The following TK2 variants were observed in gnomAD, a reference collection of about 807,000 sequenced individuals.
The protein encoded by TK2 is thymidine kinase 2, mitochondrial.
A neutral mutation model predicts 41.9 loss-of-function variants in TK2; 35 were observed. The observed-to-expected ratio is 0.84, with a 90% CI of 0.64 to 1.11. The LOEUF is 1.11. Ranked by LOEUF, TK2 falls within the 50% of genes least tolerant of loss-of-function variation. The pLI is 0.00. For missense variants in TK2, 320 were observed against 351.1 expected, an observed-to-expected ratio of 0.91 and a Z score of 0.71; for synonymous variants, 128 against 129.1, an observed-to-expected ratio of 0.99 and a Z score of 0.06.
chr16:66,535,525 C>G (rs996583578), intron 4 of TK2, among the ~76,000 whole-genome samples: 3 of 152,204 alleles, frequency 2.0e-5, no homozygotes, highest in Admixed American at 6.5e-5. Context: ...TCTCATGTCT[C>G]TTTAGGATTC....
At chr16:66,549,221 A>C (rs1195511887) in intron 1 of TK2, 6 of 1,425,402 alleles carry the variant, frequency 4.2e-6, no homozygotes, top group Middle Eastern at 1.8e-4. Flanking sequence ...GTGGACCCCC[A>C]GTGTGCTCGA....
Position 66,508,998 on chromosome 16 carries a change from G to C in TK2, c.*2970C>G, listed in dbSNP as rs1051335939. On this transcript the variant is annotated 3_prime_UTR_variant, in exon 10 of 10. Transcript: ENST00000544898. ...GGTGGGATGACGTGGGGGCAGAGGG[G>C]AGAGGGAGGTGAAGCCCAAAGGACC... 6.6e-6 allele frequency: 1 copy of C among 152,390 alleles called. No individual in the cohort carries two copies. The highest frequency in any genetic ancestry group is 1.5e-5 in the Non-Finnish European group (1 of 68,164). 9.4% of individuals were successfully genotyped at this position (152,390 alleles called of 1,614,324 possible).
intron 2 of TK2, among the ~76,000 whole-genome samples, chr16:66,544,033 A>G (rs1217437733): frequency 6.6e-6 from 1 of 152,218 alleles, no homozygotes; most frequent in Non-Finnish European, 1.5e-5. Context: ...AGCTCAACCT[A>G]GACATCACTC....
Position 66,517,147 on chromosome 16 carries a change from C to T in TK2, c.607G>A (p.Val203Ile). ...LKKRCREEEKVIPLEYLEAIH... is the reference protein window; with the variant it reads ...LKKRCREEEKIIPLEYLEAIH... ...AAGAGGCCTCTTACCAGCGGAATGA[C>T]CTTCTCCTCTTCCCTGCATCTCTTC... The change falls in exon 8 of 10, where the codon GTC becomes ATC. Residue 203 changes from valine (V) to isoleucine (I), a missense_variant. Coordinates refer to ENST00000544898, the MANE Select transcript of TK2 (RefSeq NM_004614.5). The surrounding 1 kb of genome is among the most constrained non-coding windows in gnomAD (Gnocchi z 4.3). 6.2e-7 allele frequency: 1 copy of T among 1,614,174 alleles called. No homozygotes were observed. Among genetic ancestry groups the T allele is most frequent in the Admixed American group, 1.7e-5 (1 of 60,028 alleles).
At chr16:66,518,332 G>C (rs1188078405) in intron 6 of TK2, among the ~76,000 whole-genome samples, 1 of 152,152 alleles carries the variant, frequency 6.6e-6, no homozygotes, top group Non-Finnish European at 1.5e-5. Flanking sequence ...TTCAAGATCT[G>C]CCTGGGCAAC....
intron 2 of TK2, 34 bp from the exon 3 acceptor site, chr16:66,541,987 C>G (rs1462951374): frequency 6.2e-7 from 1 of 1,608,078 alleles, no homozygotes. Context: ...AGAGCCAGAA[C>G]TCAAGCACCC....
intron 4 of TK2, among the ~76,000 whole-genome samples, chr16:66,533,812 C>T (rs1302174791): frequency 6.6e-6 from 1 of 151,838 alleles, no homozygotes; most frequent in Non-Finnish European, 1.5e-5. Context: ...TGGAGACCAT[C>T]CTGGCTAACA....
At chr16:66,527,995 G>C (rs547300427) in intron 6 of TK2, among the ~76,000 whole-genome samples, 1 of 151,082 alleles carries the variant, frequency 6.6e-6, no homozygotes, top group South Asian at 2.2e-4. Context: ...TCGTGCCCCC[G>C]TACTCCAGCT....
chr16:66,542,008 C>T (rs1965472866), intron 2 of TK2, 55 bp from the exon 3 acceptor site: 1 of 1,586,436 alleles, frequency 6.3e-7, no homozygotes, highest in African/African-American at 1.3e-5. Flanking sequence ...AGGGGAATGT[C>T]AGGGAATAAT....
At chr16:66,521,137 G>C (rs1054416248) in intron 6 of TK2, among the ~76,000 whole-genome samples, 1 of 152,234 alleles carries the variant, frequency 6.6e-6, no homozygotes. Flanking sequence ...GGTGCCCACA[G>C]ATATGATCAT....
At chr16:66,515,718 G>T (rs766344291) in intron 8 of TK2, among the ~76,000 whole-genome samples, 4 of 152,222 alleles carry the variant, frequency 2.6e-5, no homozygotes, top group Non-Finnish European at 5.9e-5. Context: ...GAGCTGCTGT[G>T]CGCATCACAG....
In TK2 at chr16:66,529,034, G is replaced by C; in HGVS notation, c.409C>G (p.His137Asp). ...SSVRLMERSI[H>D]SARYIFVENL... ...TCTACAAAAATGTATCTTGCGCTGTGAATCGACCTCTCCATCAACCGTACA... is the reference window on the plus strand; with the variant it reads ...TCTACAAAAATGTATCTTGCGCTGTCAATCGACCTCTCCATCAACCGTACA... The change falls in exon 6 of 10, where the codon CAC becomes GAC. Residue 137 changes from histidine (H) to aspartate (D), a missense_variant. Coordinates refer to ENST00000544898, the MANE Select transcript of TK2 (RefSeq NM_004614.5). 1 of 1,614,082 alleles carries C rather than the reference G, an allele frequency of 6.2e-7. No individual in the cohort carries two copies. Among genetic ancestry groups the C allele is most frequent in the Non-Finnish European group, 8.5e-7 (1 of 1,180,030 alleles).
chr16:66,550,216 A>G (rs775748195), upstream of TK2: 5 of 1,610,774 alleles, frequency 3.1e-6, no homozygotes, highest in South Asian at 5.5e-5. Flanking sequence ...GAAATACTCG[A>G]AGGGAGAGGT....
At chr16:66,513,365 CAAA>C (rs1964507920) in intron 9 of TK2, among the ~76,000 whole-genome samples, 2 of 152,138 alleles carry the variant, frequency 1.3e-5, no homozygotes, top group South Asian at 4.1e-4. Context: ...AGTCACCAAA[CAAA>C]GGTGAAATGA....
At chr16:66,535,827 T>C (rs1965259647) in intron 4 of TK2, among the ~76,000 whole-genome samples, 1 of 152,138 alleles carries the variant, frequency 6.6e-6, no homozygotes, top group African/African-American at 2.4e-5. Flanking sequence ...CAAATAACAA[T>C]GAACAAAGTA....
chr16:66,525,429 A>G (rs765862346), intron 6 of TK2, among the ~76,000 whole-genome samples: 8 of 152,234 alleles, frequency 5.3e-5, no homozygotes, highest in African/African-American at 9.6e-5. Context: ...TTCTAGGTTA[A>G]AATAGGAGAC....
intron 6 of TK2, among the ~76,000 whole-genome samples, chr16:66,518,856 T>G (rs979838911): frequency 4.6e-5 from 7 of 152,252 alleles, no homozygotes; most frequent in African/African-American, 1.7e-4. Context: ...GACTTTTCTT[T>G]TTTTCTTTAT....
chr16:66,548,544 C>G (rs1567542893), intron 2 of TK2: 1 of 236,410 alleles, frequency 4.2e-6, no homozygotes. Flanking sequence ...GAACCCACAT[C>G]TGTGGACCCT....
intron 6 of TK2, among the ~76,000 whole-genome samples, chr16:66,520,366 C>T (rs1282025743): frequency 1.3e-5 from 2 of 152,158 alleles, no homozygotes; most frequent in Admixed American, 6.5e-5. Flanking sequence ...TTCAGGGAAA[C>T]CTCACCCCAC....
Sources: gnomAD v4.1 joint callset for allele counts (sites outside exome capture counted in the v4.1 genomes callset) on GRCh38, gnomAD v4.1.1 for gene constraint, Gnocchi (gnomAD v3.1) non-coding constraint, MANE v1.5 for transcripts, NCBI Gene and HGNC (gene_info 2026-07-23, HGNC 2026-07-21) for gene names.